The following EIF2AK3 variants were observed in gnomAD, a reference collection of about 807,000 sequenced individuals.
EIF2AK3 encodes the protein eukaryotic translation initiation factor 2 alpha kinase 3.
EIF2AK3 carries 50 observed loss-of-function variants against 113.5 expected under a neutral mutation model. The observed-to-expected ratio is 0.44, with a 90% CI of 0.35 to 0.56. The LOEUF (loss-of-function observed/expected upper bound fraction) is 0.56. Among genes scored for constraint, EIF2AK3 ranks in the 20% least tolerant of loss-of-function variants. The probability of loss-of-function intolerance (pLI) is 0.00; values close to 1 mark genes in which losing one functional copy is unlikely to be tolerated. For synonymous variants in EIF2AK3, 448 were observed against 495.4 expected (o/e 0.90, Z 1.27); for missense variants, 1,185 against 1,378.0 (o/e 0.86, Z 2.22).
chr2:88,575,346 C>T lies in EIF2AK3; in HGVS notation c.2137G>A (p.Ala713Thr), dbSNP rs773198802. The T allele has an allele frequency of 6.2e-6, 10 of 1,614,022 alleles. No individual in the cohort carries two copies. The African/African-American group carries it at 1.2e-4, about 19-fold the overall frequency. ...FATKEHIEII[A>T]PSPQRSRSFS... ...GACCTGCTTCTTTGTGGTGAAGGAG[C>T]TATGATTTCAATATGTTCTTTTGTA... The change falls in exon 13 of 17, where the codon GCT becomes ACT. Residue 713 changes from alanine to threonine, a missense_variant. Coordinates refer to ENST00000303236, the MANE Select transcript of EIF2AK3 (RefSeq NM_004836.7).
At chr2:88,606,225 T>C (rs573785869) in intron 2 of EIF2AK3, among the ~76,000 whole-genome samples, 36 of 152,160 alleles carry the variant, frequency 2.4e-4, no homozygotes, top group South Asian at 4.1e-4. Flanking sequence ...ACACTGATTT[T>C]AATAACTATC....
At chr2:88,621,277 A>G (rs1675714819) in intron 1 of EIF2AK3, among the ~76,000 whole-genome samples, 1 of 152,242 alleles carries the variant, frequency 6.6e-6, no homozygotes, top group Admixed American at 6.5e-5. Flanking sequence ...TACCCAGAAC[A>G]CCTGCCTATT....
chr2:88,627,337 T>C lies in EIF2AK3; in HGVS notation c.-63A>G, dbSNP rs1675898122. The C allele has an allele frequency of 1.4e-6, 2 of 1,424,084 alleles. No homozygotes were observed. Among genetic ancestry groups the C allele is most frequent in the Non-Finnish European group, 1.8e-6 (2 of 1,089,056 alleles). The allele number at this position is 1,424,084 out of a possible 1,614,324, so 88.2% of individuals were successfully genotyped here. ...CACTGACGCCTGCCTCTCCCGCCGC[T>C]TGGAGCTCCCAAGAAGGCAAGGACG... On this transcript the variant is annotated 5_prime_UTR_variant, in exon 1 of 17. Coordinates refer to ENST00000303236, the MANE Select transcript of EIF2AK3 (RefSeq NM_004836.7).
chr2:88,592,853 G>A (rs1674921330), intron 4 of EIF2AK3, among the ~76,000 whole-genome samples: 1 of 151,902 alleles, frequency 6.6e-6, no homozygotes, highest in Non-Finnish European at 1.5e-5. Context: ...GAAGCATATG[G>A]TGAGAAGTTC....
At chr2:88,566,539 G>A (rs1031609944) in intron 14 of EIF2AK3, among the ~76,000 whole-genome samples, 1 of 151,630 alleles carries the variant, frequency 6.6e-6, no homozygotes, top group African/African-American at 2.4e-5. Flanking sequence ...TTTAAGTTCT[G>A]GGGTACATGT....
chr2:88,568,474 A>T (rs1674201344), intron 14 of EIF2AK3, among the ~76,000 whole-genome samples: 1 of 152,240 alleles, frequency 6.6e-6, no homozygotes, highest in African/African-American at 2.4e-5. Context: ...TGTCCTTAGC[A>T]GTAGAAATTA....
At position 88,613,812 on chromosome 2, in the gene EIF2AK3, G is replaced by A. The variant is rs752117328; in HGVS notation, c.350C>T (p.Ala117Val). ...IISTLDGRIA[A>V]LDPENHGKKQ... is the part of the protein sequence containing the mutation. ...TTTACCATGATTTTCAGGATCCAAG[G>A]CAGCAATTCTCCCATCTAAAGTGCT... The change falls in exon 2 of 17, where the codon GCC becomes GTC. Residue 117 changes from alanine (A) to valine (V), a missense_variant. Coordinates refer to ENST00000303236, the MANE Select transcript of EIF2AK3 (RefSeq NM_004836.7). 9.9e-6 allele frequency: 16 copies of A among 1,613,670 alleles called. No homozygotes were observed. In the Middle Eastern group the frequency reaches 4.9e-4, roughly 50 times the overall value.
At chr2:88,605,545 G>A (rs576377220) in intron 2 of EIF2AK3, among the ~76,000 whole-genome samples, 50 of 152,194 alleles carry the variant, frequency 3.3e-4, no homozygotes, top group African/African-American at 1.2e-3. Context: ...GCTCTATCAA[G>A]CCTAAAATTC....
At chr2:88,574,617 A>G in intron 13 of EIF2AK3, 49 bp downstream of exon 13, 2 of 1,604,922 alleles carry the variant, frequency 1.2e-6, no homozygotes, top group Non-Finnish European at 1.7e-6. Flanking sequence ...GCTCTGAATC[A>G]CAAAACGTCA....
At position 88,626,960 on chromosome 2, in the gene EIF2AK3, C is replaced by T. The variant is rs778947560; in HGVS notation, c.308+7G>A. The stretch of plus-strand genomic sequence containing the variant: ...AAGTTGCCTCCCCCGGGTCGGCAGC[C>T]CCTCACCTGCCGCGCGGTCGCAACT... On this transcript the variant is annotated splice_region_variant and intron_variant, in intron 1 of 16. Transcript: ENST00000303236. 2 of 1,607,422 alleles carry T rather than the reference C, an allele frequency of 1.2e-6. No homozygotes were observed. The highest frequency in any genetic ancestry group is 1.7e-6 in the Non-Finnish European group (2 of 1,178,230).
chr2:88,625,854 C>A (rs1675844790), intron 1 of EIF2AK3, among the ~76,000 whole-genome samples: 1 of 152,062 alleles, frequency 6.6e-6, no homozygotes, highest in Admixed American at 6.5e-5. Context: ...TATATATTTA[C>A]AAATGTTTAT....
intron 2 of EIF2AK3, among the ~76,000 whole-genome samples, chr2:88,611,945 A>G (rs2104467185): frequency 6.6e-6 from 1 of 152,306 alleles, no homozygotes; most frequent in East Asian, 1.9e-4. Context: ...TTTCAAAGCA[A>G]AAATTTTATC....
In EIF2AK3 at chr2:88,607,394, A is replaced by C. The variant is rs765535529; in HGVS notation, c.438+6330T>G. Among the ~76,000 whole-genome samples, 7 of 152,330 alleles carry C rather than the reference A, an allele frequency of 4.6e-5. No homozygotes were observed. The Middle Eastern group carries it at 0.02, about 444-fold the overall frequency. ...TAACTGGCAAAAATATTATGCTTAG[A>C]ACCTAAGCACATCTGTTAAAGCTAA... is the stretch of plus-strand genomic sequence containing the variant. On this transcript the variant is annotated intron_variant, in intron 2 of 16. Coordinates refer to ENST00000303236, the MANE Select transcript of EIF2AK3 (RefSeq NM_004836.7).
intron 14 of EIF2AK3, among the ~76,000 whole-genome samples, chr2:88,570,312 G>A (rs987976359): frequency 1.1e-4 from 17 of 152,176 alleles, no homozygotes; most frequent in Admixed American, 6.5e-5. Context: ...CATTTGCCTG[G>A]TGGTGGCTGA....
intron 12 of EIF2AK3, 119 bp from the exon 13 acceptor site, chr2:88,575,565 AAAC>A: frequency 1.0e-6 from 1 of 1,001,352 alleles, no homozygotes; most frequent in African/African-American, 1.6e-5. Flanking sequence ...AATGACAACA[AAAC>A]AACATACAAA....
chr2:88,591,142 C>T, intron 4 of EIF2AK3, 90 bp from the exon 5 acceptor site: 1 of 1,177,852 alleles, frequency 8.5e-7, no homozygotes, highest in Non-Finnish European at 1.2e-6. Flanking sequence ...GAAGCAAATA[C>T]TAAAATTATG....
At chr2:88,601,929 G>C (rs1055445483) in intron 2 of EIF2AK3, among the ~76,000 whole-genome samples, 2 of 137,346 alleles carry the variant, frequency 1.5e-5, no homozygotes, top group African/African-American at 5.5e-5. Flanking sequence ...TCGGCTCACT[G>C]CAACCTCCAC....
intron 15 of EIF2AK3, among the ~76,000 whole-genome samples, chr2:88,561,263 CT>C (rs755832317): frequency 0.041 from 5,611 of 136,908 alleles, 320 homozygotes; most frequent in African/African-American, 0.14. Flanking sequence ...CAGAGGGCTA[CT>C]TTTTTTTTTT....
intron 12 of EIF2AK3, chr2:88,575,667 A>T (rs1674439699): frequency 1.7e-6 from 1 of 574,262 alleles, no homozygotes; most frequent in Admixed American, 2.8e-5. Context: ...AATTTTATAC[A>T]TGAAACAGTT....
Sources: gnomAD v4.1 joint callset for allele counts (sites outside exome capture counted in the v4.1 genomes callset) on GRCh38, gnomAD v4.1.1 for gene constraint, MANE v1.5 for transcripts, NCBI Gene and HGNC (gene_info 2026-07-23, HGNC 2026-07-21) for gene names.